Variants in CHAF1A observed in about 807,000 individuals in gnomAD.
CHAF1A encodes the protein chromatin assembly factor 1 subunit A, also known as CAF-1 subunit A.
Under a neutral mutation model 93.2 loss-of-function variants are expected in CHAF1A, and 5 were observed. The ratio of observed to expected loss-of-function variants is 0.05; its 90% CI spans 0.03 to 0.11. CHAF1A has a LOEUF of 0.11. Ranked by LOEUF, CHAF1A falls within the 10% of genes least tolerant of loss-of-function variation. CHAF1A has a pLI of 1.00. For synonymous variants in CHAF1A, 504 were observed against 510.3 expected (o/e 0.99, Z 0.17); for missense variants, 1,102 against 1,259.9 (o/e 0.87, Z 1.90).
chr19:4,434,137 G>C (rs528369539), intron 13 of CHAF1A, among the ~76,000 whole-genome samples: 2 of 151,522 alleles, frequency 1.3e-5, no homozygotes, highest in Non-Finnish European at 2.9e-5. Flanking sequence ...ACTTGAGCCC[G>C]GGAGTTGGAG....
downstream of CHAF1A, chr19:4,445,997 G>C (rs1327339350): frequency 2.6e-6 from 4 of 1,550,020 alleles, no homozygotes; most frequent in African/African-American, 5.5e-5. Context: ...CCGGTCCCAG[G>C]AGAACCTGCA....
intron 3 of CHAF1A, 52 bp downstream of exon 3, chr19:4,409,811 C>T (rs776696401): frequency 1.2e-5 from 19 of 1,541,808 alleles, no homozygotes; most frequent in African/African-American, 4.1e-5. Flanking sequence ...GATCTCAGAG[C>T]GCTGTCAGTC....
At chr19:4,427,243 A>G (rs1200078661) in intron 7 of CHAF1A, among the ~76,000 whole-genome samples, 1 of 137,406 alleles carries the variant, frequency 7.3e-6, no homozygotes, top group Non-Finnish European at 1.5e-5. Context: ...TCTGCCTCCC[A>G]GATCCAAACG....
chr19:4,447,527 CG>C (rs763440281), downstream of CHAF1A: 2 of 1,612,352 alleles, frequency 1.2e-6, no homozygotes, highest in Non-Finnish European at 1.7e-6. Flanking sequence ...GCCTGGGCCC[CG>C]GGGGCCAGAA....
chr19:4,442,718 G>C (rs942541138), intron 14 of CHAF1A, among the ~76,000 whole-genome samples: 3 of 152,196 alleles, frequency 2.0e-5, no homozygotes, highest in African/African-American at 7.2e-5. Context: ...CCCGGGTGGT[G>C]GGGGGCAGGC....
intron 9 of CHAF1A, 43 bp from the exon 10 acceptor site, chr19:4,429,665 A>G (rs369656651): frequency 1.9e-5 from 31 of 1,613,794 alleles, no homozygotes; most frequent in Non-Finnish European, 2.6e-5. Flanking sequence ...CCTTTCCTCC[A>G]GCCCCAAAGA....
In CHAF1A at chr19:4,409,240, A is replaced by G; in HGVS notation, c.441A>G (p.Ile147Met). ...NSEASPSREA[I>M]NGQREDTGDQ... ...AAGCCTCTCCCTCCAGGGAGGCAAT[A>G]AATGGCCAGCGAGAAGACACTGGGG... The change falls in exon 3 of 15, where the codon ATA becomes ATG. Residue 147 changes from isoleucine to methionine, a missense_variant. Coordinates refer to ENST00000301280, the MANE Select transcript of CHAF1A (RefSeq NM_005483.3). 1 of 1,614,156 alleles carries G rather than the reference A, an allele frequency of 6.2e-7. No individual in the cohort carries two copies. The highest frequency in any genetic ancestry group is 8.5e-7 in the Non-Finnish European group (1 of 1,180,020).
intron 13 of CHAF1A, among the ~76,000 whole-genome samples, chr19:4,440,349 T>G (rs1198610644): frequency 6.7e-6 from 1 of 149,412 alleles, no homozygotes; most frequent in South Asian, 2.1e-4. Context: ...GCTCACACCT[T>G]GTCATCCCAG....
downstream of CHAF1A, chr19:4,448,022 T>G (rs1161820701): frequency 1.9e-6 from 1 of 527,540 alleles, no homozygotes; most frequent in African/African-American, 1.9e-5. Flanking sequence ...CCCCCGATCC[T>G]GAGACCCGGG....
rs751796184 is a variant in CHAF1A at position 4,422,794 on chromosome 19, G to A, written c.1246G>A (p.Glu416Lys). 6.2e-7 allele frequency: 1 copy of A among 1,612,284 alleles called. No homozygotes were observed. ...GCGCAAGGAGAGACAGGAAGCCCTG[G>A]AGTGAGTGTCCTTGGAGGCCATGCT... ...ERRKERQEAL[E>K]AKLEEKRKKE... Residue 416 changes from glutamate (E) to lysine (K), a missense_variant and splice_region_variant, in exon 5 of 15, where the codon GAG becomes AAG. Coordinates refer to ENST00000301280, the MANE Select transcript of CHAF1A (RefSeq NM_005483.3). This position sits in a 1 kb window ranked among gnomAD's most constrained non-coding sequence, Gnocchi z 4.6.
At chr19:4,428,534 T>G in intron 7 of CHAF1A, 130 bp from the exon 8 acceptor site, 1 of 760,362 alleles carries the variant, frequency 1.3e-6, no homozygotes, top group Non-Finnish European at 2.1e-6. Context: ...ACCCACACAG[T>G]GCCTGGGCTT....
At chr19:4,448,374 G>C (rs1434780975), downstream of CHAF1A, 17 of 1,610,534 alleles carry the variant, frequency 1.1e-5, no homozygotes, top group Non-Finnish European at 1.3e-5. Flanking sequence ...TGAACGTGTA[G>C]ATCTTCATGA....
At position 4,422,441 on chromosome 19, in the gene CHAF1A, G is replaced by A. The variant is rs1282615787; in HGVS notation, c.1018-125G>A. 2.4e-6 allele frequency: 2 copies of A among 825,660 alleles called. No individual in the cohort carries two copies. Among genetic ancestry groups the A allele is most frequent in the Non-Finnish European group, 3.8e-6 (2 of 520,896 alleles). The allele number at this position is 825,660 out of a possible 1,614,324, so 51.1% of individuals were successfully genotyped here. ...TGGAATTACAGGCGTGAGCCACCATGCCTAGCCTTGGTCCCTCAATTCTGT... is the reference window on the plus strand; with the variant it reads ...TGGAATTACAGGCGTGAGCCACCATACCTAGCCTTGGTCCCTCAATTCTGT... On this transcript the variant is annotated intron_variant, in intron 4 of 14. Coordinates refer to ENST00000301280, the MANE Select transcript of CHAF1A (RefSeq NM_005483.3). This position sits in a 1 kb window ranked among gnomAD's most constrained non-coding sequence, Gnocchi z 4.6.
rs1473468274 is a variant in CHAF1A at position 4,406,004 on chromosome 19, T to A, written c.103+42T>A. 3 of 1,513,780 alleles carry A rather than the reference T, an allele frequency of 2.0e-6. No individual in the cohort carries two copies. In the South Asian group the frequency reaches 3.4e-5, roughly 17 times the overall value. The allele number at this position is 1,513,780 out of a possible 1,614,324, so 93.8% of individuals were successfully genotyped here. The stretch of plus-strand genomic sequence containing the variant: ...GGGTTAAAGAGTTGTTCGTAGTTTA[T>A]AGTCTTCCTTGTCTCTTGTTGGAGA... On this transcript the variant is annotated intron_variant, in intron 2 of 14. Coordinates refer to ENST00000301280, the MANE Select transcript of CHAF1A (RefSeq NM_005483.3).
At chr19:4,414,657 G>A (rs1973866933) in intron 3 of CHAF1A, among the ~76,000 whole-genome samples, 1 of 152,118 alleles carries the variant, frequency 6.6e-6, no homozygotes, top group Non-Finnish European at 1.5e-5. Flanking sequence ...TAACAGCTGC[G>A]TGATATCCCA....
intron 3 of CHAF1A, among the ~76,000 whole-genome samples, chr19:4,416,457 C>T (rs1973898693): frequency 6.6e-6 from 1 of 152,146 alleles, no homozygotes; most frequent in African/African-American, 2.4e-5. Flanking sequence ...TGAGTCACAC[C>T]ATGGATCCTA....
intron 2 of CHAF1A, among the ~76,000 whole-genome samples, chr19:4,407,249 A>C (rs1288129324): frequency 2.4e-3 from 103 of 43,726 alleles, no homozygotes; most frequent in East Asian, 0.013. Context: ...ACCCCCCCCA[A>C]AAAAAAACAG....
At position 4,422,712 on chromosome 19, in the gene CHAF1A, G is replaced by A; in HGVS notation, c.1164G>A (p.Glu388=). Residue 388 remains glutamate (E), a synonymous_variant, in exon 5 of 15, where the codon GAG becomes GAA. Coordinates refer to ENST00000301280, the MANE Select transcript of CHAF1A (RefSeq NM_005483.3). The surrounding 1 kb of genome is among the most constrained non-coding windows in gnomAD (Gnocchi z 4.6). ...EKELKEKERR[E]KREKDEKEKA... is the part of the protein sequence containing the mutation. ...AGCTTAAGGAAAAGGAGAGGCGGGA[G>A]AAGCGGGAGAAGGATGAGAAGGAGA... 1.9e-6 allele frequency: 3 copies of A among 1,608,676 alleles called. No individual in the cohort carries two copies. The highest frequency in any genetic ancestry group is 2.5e-6 in the Non-Finnish European group (3 of 1,177,318).
chr19:4,433,542 G>A lies in CHAF1A; in HGVS notation c.2673+3G>A, dbSNP rs1354326231. ...AGAAGCGCAGGCACGACGGCCAGGT[G>A]AGGTGGGGTGGGCAGGTGGGGGCCT... is the stretch of plus-strand genomic sequence containing the variant. On this transcript the variant is annotated splice_donor_region_variant and intron_variant, in intron 13 of 14. Coordinates refer to ENST00000301280, the MANE Select transcript of CHAF1A (RefSeq NM_005483.3). This position sits in a 1 kb window ranked among gnomAD's most constrained non-coding sequence, Gnocchi z 5.6. 3.2e-6 allele frequency: 5 copies of A among 1,565,996 alleles called. No homozygotes were observed. The highest frequency in any genetic ancestry group is 4.4e-6 in the Non-Finnish European group (5 of 1,148,328).
Sources: gnomAD v4.1 joint callset for allele counts (sites outside exome capture counted in the v4.1 genomes callset) on GRCh38, gnomAD v4.1.1 for gene constraint, Gnocchi (gnomAD v3.1) non-coding constraint, MANE v1.5 for transcripts, NCBI Gene and HGNC (gene_info 2026-07-23, HGNC 2026-07-21) for gene names.